The following HRNR variants were observed in gnomAD, a reference collection of about 807,000 sequenced individuals.
HRNR encodes filaggrin family member 3.
Under a neutral mutation model 4.8 loss-of-function variants are expected in HRNR, and 7 were observed. The observed-to-expected ratio is 1.47, with a 90% CI of 0.83 to 2.75. The LOEUF is 2.75. HRNR is among the 30% of genes most tolerant of loss of function. The probability of loss-of-function intolerance (pLI) is 0.00; values close to 1 mark genes in which losing one functional copy is unlikely to be tolerated. For synonymous variants in HRNR, 1,023 were observed against 1,242.7 expected, an observed-to-expected ratio of 0.82 and a Z score of 3.72; for missense variants, 2,879 against 3,010.4, an observed-to-expected ratio of 0.96 and a Z score of 1.02.
Position 152,223,196 on chromosome 1 carries a change from TG to T in HRNR, c.57del (p.Thr20ProfsTer9). 1 of 1,613,798 alleles carries T rather than the reference TG, an allele frequency of 6.2e-7. No individual in the cohort carries two copies. Among genetic ancestry groups the T allele is most frequent in the Non-Finnish European group, 8.5e-7 (1 of 1,179,764 alleles). ...ITVIDVFYQY[A>X]TQHGEYDTLN... ...AACGTATCATACTCCCCATGCTGGG[TG>T]GCATATTGGTAGAAAACATCGATGA... On this transcript the variant is annotated frameshift_variant, in exon 2 of 3. Transcript: ENST00000368801. LOFTEE classifies it high-confidence loss of function.
chr1:152,220,895 C>G lies in HRNR; in HGVS notation c.734G>C (p.Ser245Thr), dbSNP rs143710082. 51 of 1,613,942 alleles carry G rather than the reference C, an allele frequency of 3.2e-5. 1 individual carries two copies. In the Middle Eastern group the frequency reaches 6.6e-4, roughly 21 times the overall value. Reference sequence around the variant, plus strand: ...GTGACCTGAGCCAGATCCATGCTGACTGTAACCAGAGGACTGCCCTGAGCT... The same window carrying G: ...GTGACCTGAGCCAGATCCATGCTGAGTGTAACCAGAGGACTGCCCTGAGCT... ...KSSSGQSSGY[S>T]QHGSGSGHSS... Residue 245 changes from serine to threonine, a missense_variant, in exon 3 of 3, where the codon AGT becomes ACT. Transcript: ENST00000368801.
At position 152,220,989 on chromosome 1, in the gene HRNR, G is replaced by C. The variant is rs752705296; in HGVS notation, c.640C>G (p.Gln214Glu). The change falls in exon 3 of 3, where the codon CAG becomes GAG. Residue 214 changes from glutamine to glutamate, a missense_variant. Physicochemically the swap from Gln to Glu is conservative, Grantham distance 29. Around this residue, in one of 8 missense-constraint regions of HRNR, gnomAD observed 2,646 missense variants for 1,377.7 expected, o/e 1.92. Transcript: ENST00000368801. ...CCATGTGTGTCATTGCTGGAAGACT[G>C]TCCGGAGCCAGAGCCGTGTTGGCCA... ...NYGQHGSGSG[Q>E]SSSNDTHGSG... The C allele has an allele frequency of 5.0e-6, 8 of 1,614,078 alleles. No homozygotes were observed. In the Admixed American group the frequency reaches 1.0e-4, roughly 20 times the overall value.
In HRNR at chr1:152,219,516, A is replaced by T. The variant is rs143065475; in HGVS notation, c.2113T>A (p.Ser705Thr). The change falls in exon 3 of 3, where the codon TCT becomes ACT. Residue 705 changes from serine to threonine, a missense_variant. Ser to Thr is a moderately conservative substitution (Grantham distance 58, BLOSUM62 1). Coordinates refer to ENST00000368801, the MANE Select transcript of HRNR (RefSeq NM_001009931.3). ...SGQSSGFGHK[S>T]GSGQSSGYSQ... ...TAACCAGAGGACTGCCCTGAGCCAGACTTGTGACCAAAGCCGGAAGACTGG... is the reference window on the plus strand; with the variant it reads ...TAACCAGAGGACTGCCCTGAGCCAGTCTTGTGACCAAAGCCGGAAGACTGG... The T allele has an allele frequency of 2.5e-4, 398 of 1,613,546 alleles. 1 individual carries two copies. The highest frequency in any genetic ancestry group is 3.5e-4 in the Admixed American group (21 of 59,974).
chr1:152,220,506 C>G lies in HRNR; in HGVS notation c.1123G>C (p.Gly375Arg), dbSNP rs761190409. 1 of 1,610,596 alleles carries G rather than the reference C, an allele frequency of 6.2e-7. No individual in the cohort carries two copies. The highest frequency in any genetic ancestry group is 1.3e-5 in the African/African-American group (1 of 74,276). The change falls in exon 3 of 3, where the codon GGA becomes CGA. Residue 375 changes from glycine (G) to arginine (R), a missense_variant. Physicochemically the swap from Gly to Arg is moderately radical, Grantham distance 125. This residue lies in a region of HRNR where 2,646 missense variants were observed against 1,377.7 expected (regional missense o/e 1.92). Transcript: ENST00000368801. ...TGCCCTGACGTAGATCCATGTTGTC[C>G]CTGGCTAGAGGAGTGACCTGAGCCA... ...GSGSGHSSSQ[G>R]QHGSTSGQAS...
Position 152,221,396 on chromosome 1 carries a change from A to G in HRNR, c.233T>C (p.Ile78Thr), listed in dbSNP as rs1041512674. The change falls in exon 3 of 3, where the codon ATA becomes ACA. Residue 78 changes from isoleucine to threonine, a missense_variant. Ile to Thr is a moderately conservative substitution (Grantham distance 89). Around this residue, in one of 8 missense-constraint regions of HRNR, gnomAD observed 2,646 missense variants for 1,377.7 expected, o/e 1.92. Coordinates refer to ENST00000368801, the MANE Select transcript of HRNR (RefSeq NM_001009931.3). ...KVDFTEYLLMIFKLVQARNKI... is the reference protein window; with the variant it reads ...KVDFTEYLLMTFKLVQARNKI... ...ATTACGAGCCTGAACCAGCTTGAAT[A>G]TCATCAGAAGATACTCAGTAAAATC... is the stretch of plus-strand genomic sequence containing the variant. 18 of 1,613,826 alleles carry G rather than the reference A, an allele frequency of 1.1e-5. No individual in the cohort carries two copies. Among genetic ancestry groups the G allele is most frequent in the Non-Finnish European group, 1.4e-5 (17 of 1,179,968 alleles).
Position 152,220,018 on chromosome 1 carries a change from A to T in HRNR, c.1611T>A (p.Ser537=). The T allele has an allele frequency of 6.2e-7, 1 of 1,614,048 alleles. No homozygotes were observed. The highest frequency in any genetic ancestry group is 8.5e-7 in the Non-Finnish European group (1 of 1,179,984). The change falls in exon 3 of 3, where the codon TCT becomes TCA. Residue 537 remains serine, a synonymous_variant. Transcript: ENST00000368801. ...CACGGCTAGGGCTAGGAGACTGGCC[A>T]GATCCAGACCCATGTCGGCTGTGTC... ...SLGHSRHGSG[S]GQSPSPSRGR...
Position 152,220,434 on chromosome 1 carries a change from T to C in HRNR, c.1195A>G (p.Ser399Gly). 6.2e-7 allele frequency: 1 copy of C among 1,614,076 alleles called. No homozygotes were observed. The highest frequency in any genetic ancestry group is 8.5e-7 in the Non-Finnish European group (1 of 1,180,002). ...GAGGCAGACTCATGCTGACCATAGC[T>C]GGAAGACTGACGTGAGCTGGAGCCA... ...QHGSSSRQSS[S>G]YGQHESASRH... Residue 399 changes from serine to glycine, a missense_variant, in exon 3 of 3, where the codon AGC becomes GGC. Physicochemically the swap from Ser to Gly is moderately conservative, Grantham distance 56. Around this residue, in one of 8 missense-constraint regions of HRNR, gnomAD observed 2,646 missense variants for 1,377.7 expected, o/e 1.92. Coordinates refer to ENST00000368801, the MANE Select transcript of HRNR (RefSeq NM_001009931.3).
rs1431884052 is a variant in HRNR at position 152,213,031 on chromosome 1, A to G, written c.*45T>C. Reference sequence around the variant, plus strand: ...TGATGAATTCATAGATGACTTTCCTATTTCTTAAATTGCTACTTGAGTAAA... The same window carrying G: ...TGATGAATTCATAGATGACTTTCCTGTTTCTTAAATTGCTACTTGAGTAAA... On this transcript the variant is annotated 3_prime_UTR_variant, in exon 3 of 3. Transcript: ENST00000368801. 2 of 1,570,434 alleles carry G rather than the reference A, an allele frequency of 1.3e-6. No homozygotes were observed. The highest frequency in any genetic ancestry group is 8.6e-7 in the Non-Finnish European group (1 of 1,159,606).
rs1648773790 is a variant in HRNR at position 152,218,765 on chromosome 1, GA to G, written c.2863del (p.Ser955ProfsTer96). 2.5e-6 allele frequency: 4 copies of G among 1,614,004 alleles called. No homozygotes were observed. Among genetic ancestry groups the G allele is most frequent in the Middle Eastern group, 1.6e-4 (1 of 6,062 alleles). ...TQHGSGSGHS[S>X]SYEQHGSRSG... ...CCTAGAGCCGTGTTGTTCGTAGCTG[GA>G]GGAGTGACCTGAGCCAGATCCATGC... On this transcript the variant is annotated frameshift_variant, in exon 3 of 3. Coordinates refer to ENST00000368801, the MANE Select transcript of HRNR (RefSeq NM_001009931.3). LOFTEE classifies it low-confidence loss of function (END_TRUNC).
rs201569096 is a variant in HRNR, at chr1:152,218,925, G to T, written c.2704C>A (p.Gln902Lys). Residue 902 changes from glutamine to lysine, a missense_variant, in exon 3 of 3, where the codon CAG becomes AAG. Transcript: ENST00000368801. The part of the protein sequence containing the change: ...GHGQRGSGSG[Q>K]SPSYGRHGSG... ...CCATGTCGGCCATAGCTGGGAGACT[G>T]CCCTGACCCAGACCCACGCTGGCCG... The T allele has an allele frequency of 3.1e-6, 5 of 1,613,672 alleles. No homozygotes were observed. Among genetic ancestry groups the T allele is most frequent in the East Asian group, 4.5e-5 (2 of 44,862 alleles).
chr1:152,221,078 G>T lies in HRNR; in HGVS notation c.551C>A (p.Ser184Tyr). 6.2e-7 allele frequency: 1 copy of T among 1,613,412 alleles called. No homozygotes were observed. Among genetic ancestry groups the T allele is most frequent in the African/African-American group, 1.3e-5 (1 of 75,062 alleles). ...GCGGCCTGAAGACTGATGGGAGTCG[G>T]AGTTTTGCTCACCATAGCTGGAAGA... ...GQSSSYGEQN[S>Y]DSHQSSGRGQ... is the part of the protein sequence containing the mutation. Residue 184 changes from serine (S) to tyrosine (Y), a missense_variant, in exon 3 of 3, where the codon TCC (serine) becomes TAC (tyrosine). Ser to Tyr is a moderately radical substitution (Grantham distance 144). Coordinates refer to ENST00000368801, the MANE Select transcript of HRNR (RefSeq NM_001009931.3).
Position 152,212,287 on chromosome 1 carries a change from A to G in HRNR, c.*789T>C, listed in dbSNP as rs1557838681. ...GGAAAGCATTGTATTTCCATGGAAT[A>G]ACTCCTCAATATATTTCCCAATATT... On this transcript the variant is annotated 3_prime_UTR_variant, in exon 3 of 3. Transcript: ENST00000368801. 6.6e-6 allele frequency: 1 copy of G among 152,210 alleles called. No homozygotes were observed. The highest frequency in any genetic ancestry group is 2.1e-4 in the South Asian group (1 of 4,832). The allele number at this position is 152,210 out of a possible 1,614,324, so 9.4% of individuals were successfully genotyped here.
Position 152,219,517 on chromosome 1 carries a change from C to A in HRNR, c.2112G>T (p.Lys704Asn). 4.3e-6 allele frequency: 7 copies of A among 1,613,708 alleles called. No homozygotes were observed. The highest frequency in any genetic ancestry group is 5.9e-6 in the Non-Finnish European group (7 of 1,179,968). ...VSGQSSGFGH[K>N]SGSGQSSGYS... ...AACCAGAGGACTGCCCTGAGCCAGA[C>A]TTGTGACCAAAGCCGGAAGACTGGC... Residue 704 changes from lysine (K) to asparagine (N), a missense_variant, in exon 3 of 3, where the codon AAG becomes AAT. This residue lies in a region of HRNR where 2,646 missense variants were observed against 1,377.7 expected (regional missense o/e 1.92). Coordinates refer to ENST00000368801, the MANE Select transcript of HRNR (RefSeq NM_001009931.3).
rs748791286 is a variant in HRNR, at chr1:152,221,150, C to G, written c.479G>C (p.Ser160Thr). 19 of 1,614,218 alleles carry G rather than the reference C, an allele frequency of 1.2e-5. No homozygotes were observed. The highest frequency in any genetic ancestry group is 3.3e-4 in the Middle Eastern group (2 of 6,062). Residue 160 changes from serine to threonine, a missense_variant, in exon 3 of 3, where the codon AGT (serine) becomes ACT (threonine). Ser to Thr is a moderately conservative substitution (Grantham distance 58, BLOSUM62 1). Coordinates refer to ENST00000368801, the MANE Select transcript of HRNR (RefSeq NM_001009931.3). Reference protein sequence around the residue: ...PGTESISRRLSFQRDFSGQHN... With the variant: ...PGTESISRRLTFQRDFSGQHN... Reference sequence around the variant, plus strand: ...TTGGCCAGAAAAGTCTCTTTGAAAACTCAGTCTTCTGGATATGGATTCAGT... The same window carrying G: ...TTGGCCAGAAAAGTCTCTTTGAAAAGTCAGTCTTCTGGATATGGATTCAGT...
chr1:152,212,935 T>A lies in HRNR; in HGVS notation c.*141A>T. Reference sequence around the variant, plus strand: ...CAAGATATATGCTACAGTTTTAGGCTCTAAAGAAAGAGACAGAAATGCATT... The same window carrying A: ...CAAGATATATGCTACAGTTTTAGGCACTAAAGAAAGAGACAGAAATGCATT... On this transcript the variant is annotated 3_prime_UTR_variant, in exon 3 of 3. Coordinates refer to ENST00000368801, the MANE Select transcript of HRNR (RefSeq NM_001009931.3). 8.6e-7 allele frequency: 1 copy of A among 1,168,428 alleles called. No homozygotes were observed. The highest frequency in any genetic ancestry group is 1.2e-6 in the Non-Finnish European group (1 of 844,384). The allele number at this position is 1,168,428 out of a possible 1,614,324, so 72.4% of individuals were successfully genotyped here.
Position 152,220,091 on chromosome 1 carries a change from G to A in HRNR, c.1538C>T (p.Ser513Leu), listed in dbSNP as rs770602479. 2 of 1,612,720 alleles carry A rather than the reference G, an allele frequency of 1.2e-6. No individual in the cohort carries two copies. Among genetic ancestry groups the A allele is most frequent in the Admixed American group, 1.7e-5 (1 of 59,942 alleles). ...RGERQGSSAG[S>L]SSSYGQHGSG... ...CCCATGCTGACCATAGCTGGAAGATGAACCTGCACTAGATCCTTGTCGTTC... is the reference window on the plus strand; with the variant it reads ...CCCATGCTGACCATAGCTGGAAGATAAACCTGCACTAGATCCTTGTCGTTC... The change falls in exon 3 of 3, where the codon TCA becomes TTA. Residue 513 changes from serine to leucine, a missense_variant. Transcript: ENST00000368801.
chr1:152,218,686 G>C lies in HRNR; in HGVS notation c.2943C>G (p.Ser981=), dbSNP rs142440614. The C allele has an allele frequency of 6.2e-7, 1 of 1,613,822 alleles. No homozygotes were observed. The highest frequency in any genetic ancestry group is 8.5e-7 in the Non-Finnish European group (1 of 1,179,988). ...EQHGSSSGSS[S]SYGQHGSGSR... Reference sequence around the variant, plus strand: ...AGCCAGACCCATGCTGACCATAGCTGGAAGACGAACCTGAGCTAGATCCAT... The same window carrying C: ...AGCCAGACCCATGCTGACCATAGCTCGAAGACGAACCTGAGCTAGATCCAT... Residue 981 remains serine (S), a synonymous_variant, in exon 3 of 3, where the codon TCC becomes TCG. Transcript: ENST00000368801.
Position 152,218,973 on chromosome 1 carries a change from C to G in HRNR, c.2656G>C (p.Gly886Arg), listed in dbSNP as rs773876409. The change falls in exon 3 of 3, where the codon GGA becomes CGA. Residue 886 changes from glycine to arginine, a missense_variant. Around this residue, in one of 8 missense-constraint regions of HRNR, gnomAD observed 2,646 missense variants for 1,377.7 expected, o/e 1.92. Transcript: ENST00000368801. Reference protein sequence around the residue: ...HASGRGRHGSGSGQSPGHGQR... With the variant: ...HASGRGRHGSRSGQSPGHGQR... ...CCGTGGCCTGGAGACTGGCCAGATC[C>G]AGAGCCATGTCGGCCGCGGCCCGAA... 10 of 1,608,576 alleles carry G rather than the reference C, an allele frequency of 6.2e-6. No individual in the cohort carries two copies. Among genetic ancestry groups the G allele is most frequent in the Admixed American group, 3.3e-5 (2 of 59,988 alleles).
Position 152,218,819 on chromosome 1 carries a change from C to T in HRNR, c.2810G>A (p.Ser937Asn). 2.5e-6 allele frequency: 4 copies of T among 1,613,192 alleles called. No individual in the cohort carries two copies. Among genetic ancestry groups the T allele is most frequent in the South Asian group, 1.1e-5 (1 of 91,000 alleles). The change falls in exon 3 of 3, where the codon AGC (serine) becomes AAC (asparagine). Residue 937 changes from serine to asparagine, a missense_variant. By Grantham distance (46) the Ser-to-Asn change is conservative. Transcript: ENST00000368801. The part of the protein sequence containing the change: ...GQSSGFGHKS[S>N]SGQSSGYTQH... Reference sequence around the variant, plus strand: ...AGTGTAACCAGAGGACTGCCCTGAGCTAGACTTGTGACCAAAGCCAGAAGA... The same window carrying T: ...AGTGTAACCAGAGGACTGCCCTGAGTTAGACTTGTGACCAAAGCCAGAAGA...
Sources: allele counts gnomAD v4.1 joint callset, GRCh38; gene constraint gnomAD v4.1.1; regional missense constraint gnomAD v4.1.1; transcripts MANE v1.5; gene names NCBI Gene and HGNC (gene_info 2026-07-23, HGNC 2026-07-21).